The following PSD3 variants were observed in gnomAD, a reference collection of about 807,000 sequenced individuals.
PSD3 encodes PH and SEC7 domain-containing protein 3.
A neutral mutation model predicts 105.5 loss-of-function variants in PSD3; 49 were observed. The ratio of observed to expected loss-of-function variants is 0.46; its 90% CI spans 0.37 to 0.59. PSD3 has a LOEUF of 0.59. Among genes scored for constraint, PSD3 ranks in the 20% least tolerant of loss-of-function variants. PSD3 has a pLI of 0.00. For synonymous variants in PSD3, 557 were observed against 457.8 expected, an observed-to-expected ratio of 1.22 and a Z score of -2.77; for missense variants, 1,561 against 1,263.8, an observed-to-expected ratio of 1.24 and a Z score of -3.57.
At chr8:18,805,195 G>A (rs6991898) in intron 4 of PSD3, among the ~76,000 whole-genome samples, 4,009 of 152,090 alleles carry the variant, frequency 0.026, 182 homozygotes, top group African/African-American at 0.091. Flanking sequence ...ATTTACCCTC[G>A]TAGTAATGAA....
intron 11 of PSD3, among the ~76,000 whole-genome samples, chr8:18,628,694 G>A (rs890003325): frequency 6.6e-6 from 1 of 151,806 alleles, no homozygotes; most frequent in Non-Finnish European, 1.5e-5. Context: ...AGAGATAAGG[G>A]GAATTAACTT....
At chr8:19,084,506 G>C (rs1025391223) in exon 1 of PSD3, 3 of 432,496 alleles carry the variant, frequency 6.9e-6, no homozygotes, top group South Asian at 1.7e-5. Flanking sequence ...AGCCCATGGA[G>C]GGACTGCTGC....
intron 1 of PSD3, among the ~76,000 whole-genome samples, chr8:19,064,494 T>C (rs1466141977): frequency 6.6e-6 from 1 of 152,166 alleles, no homozygotes; most frequent in Non-Finnish European, 1.5e-5. Flanking sequence ...AGTCGTTGCC[T>C]CAAGCGTTTA....
chr8:18,912,452 A>C (rs1171965244), intron 2 of PSD3, among the ~76,000 whole-genome samples: 1 of 150,564 alleles, frequency 6.6e-6, no homozygotes, highest in East Asian at 1.9e-4. Context: ...TTTGTACTTA[A>C]ATTTCTTTCT....
intron 4 of PSD3, among the ~76,000 whole-genome samples, chr8:18,812,082 C>CA (rs1164946146): frequency 1.3e-5 from 2 of 152,162 alleles, no homozygotes; most frequent in African/African-American, 4.8e-5. Flanking sequence ...TGAACACCGC[C>CA]ACTCATTTGT....
chr8:18,962,814 TGAA>T (rs1482567230), intron 1 of PSD3, among the ~76,000 whole-genome samples: 1 of 152,226 alleles, frequency 6.6e-6, no homozygotes, highest in African/African-American at 2.4e-5. Context: ...TACAACCACC[TGAA>T]GATCTAGGTT....
intron 9 of PSD3, among the ~76,000 whole-genome samples, chr8:18,686,037 AAACAAC>A (rs754605707): frequency 1.3e-5 from 2 of 152,020 alleles, no homozygotes; most frequent in Non-Finnish European, 2.9e-5. Context: ...ACAAACAAAC[AAACAAC>A]AACAACAACA....
intron 4 of PSD3, among the ~76,000 whole-genome samples, chr8:18,820,643 C>T (rs80076323): frequency 0.042 from 5,718 of 136,808 alleles, 122 homozygotes; most frequent in Admixed American, 0.074. Context: ...AGAGATGCAA[C>T]CATTTCTTTT....
intron 1 of PSD3, among the ~76,000 whole-genome samples, chr8:18,936,840 G>A (rs943268715): frequency 6.6e-6 from 1 of 151,568 alleles, no homozygotes; most frequent in African/African-American, 2.4e-5. Flanking sequence ...TCCATAACAA[G>A]AATATTTCTT....
intron 4 of PSD3, among the ~76,000 whole-genome samples, chr8:18,817,709 C>T (rs904713348): frequency 6.6e-6 from 1 of 152,156 alleles, no homozygotes; most frequent in Non-Finnish European, 1.5e-5. Flanking sequence ...TAAGCAATTT[C>T]CTTATTACGG....
At chr8:18,819,258 T>C (rs1812487831) in intron 4 of PSD3, among the ~76,000 whole-genome samples, 3 of 152,238 alleles carry the variant, frequency 2.0e-5, no homozygotes, top group Admixed American at 2.0e-4. Context: ...GACAAGTATT[T>C]TTCAAGGAAA....
intron 9 of PSD3, among the ~76,000 whole-genome samples, chr8:18,667,381 T>G (rs913542635): frequency 1.3e-5 from 2 of 152,140 alleles, no homozygotes; most frequent in Non-Finnish European, 2.9e-5. Flanking sequence ...AAGTGCTGAT[T>G]GGTGCATTTA....
At chr8:18,714,947 G>C (rs1420216983) in intron 9 of PSD3, among the ~76,000 whole-genome samples, 1 of 152,130 alleles carries the variant, frequency 6.6e-6, no homozygotes, top group Non-Finnish European at 1.5e-5. Flanking sequence ...ATACTATGCA[G>C]CCATAAAAAG....
intron 2 of PSD3, among the ~76,000 whole-genome samples, chr8:18,920,479 G>C (rs1300836758): frequency 6.6e-6 from 1 of 152,184 alleles, no homozygotes; most frequent in Non-Finnish European, 1.5e-5. Context: ...GGGAGCATGA[G>C]CGCTGCTTTC....
intron 1 of PSD3, among the ~76,000 whole-genome samples, chr8:19,052,427 G>A (rs454717): frequency 0.049 from 7,282 of 148,320 alleles, 255 homozygotes; most frequent in Non-Finnish European, 0.074. Flanking sequence ...AGCCGAGATC[G>A]CACCACTGCA....
rs769324721 is a variant in PSD3 at position 18,867,865 on chromosome 8, C to T, written c.1443G>A (p.Met481Ile). Reference protein sequence around the residue: ...YFSFEMPLTPMIQQRIKEGGQ... With the variant: ...YFSFEMPLTPIIQQRIKEGGQ... ...CACCTTCTTTAATGCGCTGTTGTATCATTGGAGTGAGGGGCATTTCAAAGC... is the reference window on the plus strand; with the variant it reads ...CACCTTCTTTAATGCGCTGTTGTATTATTGGAGTGAGGGGCATTTCAAAGC... The change falls in exon 4 of 16, where the codon ATG becomes ATA. Residue 481 changes from methionine to isoleucine, a missense_variant. Transcript: ENST00000327040. The T allele has an allele frequency of 1.2e-6, 2 of 1,614,192 alleles. No homozygotes were observed. Among genetic ancestry groups the T allele is most frequent in the Non-Finnish European group, 8.5e-7 (1 of 1,180,030 alleles).
rs1487755496 is a variant in PSD3 at position 18,532,609 on chromosome 8, A to G, written c.*3134T>C. On this transcript the variant is annotated 3_prime_UTR_variant, in exon 16 of 16. Transcript: ENST00000327040. The stretch of plus-strand genomic sequence containing the variant: ...GAGATTAATTAAAATTCACAAAAGT[A>G]TTGCTCAGTTTAATTAGACACTGCT... 6.6e-6 allele frequency: 1 copy of G among 152,248 alleles called. No homozygotes were observed. Among genetic ancestry groups the G allele is most frequent in the Non-Finnish European group, 1.5e-5 (1 of 68,046 alleles). The allele number at this position is 152,248 out of a possible 1,614,324, so 9.4% of individuals were successfully genotyped here. A position where few individuals can be genotyped will look rare whatever the true frequency, so the allele number is the denominator to read the frequency against.
At chr8:18,900,643 C>CTTTTTTTTTT (rs34004085) in intron 2 of PSD3, among the ~76,000 whole-genome samples, 1 of 83,966 alleles carries the variant, frequency 1.2e-5, no homozygotes, top group Non-Finnish European at 2.2e-5. Context: ...AGAGACAACT[C>CTTTTTTTTTT]TTTTTTTTTT....
intron 9 of PSD3, among the ~76,000 whole-genome samples, chr8:18,659,774 T>C (rs753744029): frequency 1.2e-4 from 18 of 152,184 alleles, no homozygotes; most frequent in Non-Finnish European, 2.2e-4. Flanking sequence ...CCTATACTCT[T>C]AGTCCATTTA....
Sources: allele counts gnomAD v4.1 joint callset (sites outside exome capture counted in the v4.1 genomes callset), GRCh38; gene constraint gnomAD v4.1.1; transcripts MANE v1.5; gene names NCBI Gene and HGNC (gene_info 2026-07-23, HGNC 2026-07-21).